Variants in PRKCQ observed in about 807,000 individuals in gnomAD.
PRKCQ encodes protein kinase C theta.
PRKCQ carries 41 observed loss-of-function variants against 91.2 expected under a neutral mutation model. The observed-to-expected ratio is 0.45, with a 90% CI of 0.35 to 0.58. The LOEUF is 0.58. Ranked by LOEUF, PRKCQ falls within the 20% of genes least tolerant of loss-of-function variation. The pLI, the probability that PRKCQ is intolerant of heterozygous loss-of-function variation, is 0.00. For missense variants in PRKCQ, 673 were observed against 896.5 expected (o/e 0.75, Z 3.18); for synonymous variants, 307 against 316.9 (o/e 0.97, Z 0.33).
chr10:6,496,767 C>T lies in PRKCQ; in HGVS notation c.660+268G>A, dbSNP rs115341315. ...CTGGTTCACTGCAACCTCCGCCTCC[C>T]GAATTCAAGAGATTCTCCTGCCTCA... is the stretch of plus-strand genomic sequence containing the variant. On this transcript the variant is annotated intron_variant, in intron 7 of 17. Coordinates refer to ENST00000263125, the MANE Select transcript of PRKCQ (RefSeq NM_006257.5). Among the ~76,000 whole-genome samples, 918 of 152,004 alleles carry T rather than the reference C, an allele frequency of 6.0e-3. 6 individuals are homozygous for T. The highest frequency in any genetic ancestry group is 0.021 in the African/African-American group (867 of 41,444).
At chr10:6,510,382 A>C (rs913185090) in intron 3 of PRKCQ, among the ~76,000 whole-genome samples, 1 of 152,222 alleles carries the variant, frequency 6.6e-6, no homozygotes, top group Admixed American at 6.5e-5. Context: ...ATTACAGCTG[A>C]AAAAAATTGT....
intron 15 of PRKCQ, among the ~76,000 whole-genome samples, chr10:6,454,630 G>A (rs1834909550): frequency 6.6e-6 from 1 of 152,142 alleles, no homozygotes; most frequent in Non-Finnish European, 1.5e-5. Flanking sequence ...AAAGGAAAGA[G>A]TGAAGTAGGG....
intron 15 of PRKCQ, among the ~76,000 whole-genome samples, chr10:6,450,228 G>A (rs1302460965): frequency 1.3e-5 from 2 of 149,402 alleles, no homozygotes; most frequent in African/African-American, 5.0e-5. Context: ...AAAATAAAAG[G>A]ATGGAGGAAG....
intron 15 of PRKCQ, among the ~76,000 whole-genome samples, chr10:6,452,352 A>G (rs1834740375): frequency 1.3e-5 from 2 of 152,006 alleles, no homozygotes; most frequent in South Asian, 4.2e-4. Flanking sequence ...ATACCTAGGA[A>G]TCCAACTTAC....
At chr10:6,467,575 C>G (rs1050120009) in intron 12 of PRKCQ, among the ~76,000 whole-genome samples, 2 of 152,018 alleles carry the variant, frequency 1.3e-5, no homozygotes, top group African/African-American at 4.8e-5. Context: ...AGAATTGAAG[C>G]TGTGATGGCA....
At chr10:6,413,676 ACT>A in the PRKCQ span, among the ~76,000 whole-genome samples, 1 of 121,088 alleles carries the variant, frequency 8.3e-6, no homozygotes, top group African/African-American at 3.4e-5. Context: ...ATTAAATGCC[ACT>A]TGTGCACACA....
chr10:6,494,622 C>T (rs1837494547), intron 7 of PRKCQ, among the ~76,000 whole-genome samples: 1 of 152,184 alleles, frequency 6.6e-6, no homozygotes, highest in African/African-American at 2.4e-5. Context: ...TCTGTAACTT[C>T]ATAGACTCTG....
intron 15 of PRKCQ, among the ~76,000 whole-genome samples, chr10:6,446,499 G>A (rs1486840376): frequency 1.3e-5 from 2 of 151,726 alleles, no homozygotes; most frequent in Admixed American, 6.6e-5. Flanking sequence ...CTGGGGAGCT[G>A]GGATTACAGG....
chr10:6,560,746 T>C (rs1840596442), intron 1 of PRKCQ, among the ~76,000 whole-genome samples: 1 of 152,116 alleles, frequency 6.6e-6, no homozygotes, highest in Non-Finnish European at 1.5e-5. Flanking sequence ...ATTTTAAAAA[T>C]TATTCTTTTG....
intron 1 of PRKCQ, among the ~76,000 whole-genome samples, chr10:6,573,469 C>G (rs1841115277): frequency 6.6e-6 from 1 of 152,222 alleles, no homozygotes; most frequent in Admixed American, 6.5e-5. Context: ...TCCTGAACCT[C>G]CGAATCAGGA....
rs866325831 is a variant in PRKCQ at position 6,488,309 on chromosome 10, G to A, written c.791-2165C>T. ...GGTGAAATTTGGGCAACCCTCACCT[G>A]TAGTTTTCACTGGTCCACTCTTCTT... On this transcript the variant is annotated intron_variant, in intron 8 of 17. Transcript: ENST00000263125. 2.0e-5 allele frequency among the ~76,000 whole-genome samples: 3 copies of A among 152,042 alleles called. No individual in the cohort carries two copies. The South Asian group carries it at 6.2e-4, about 32-fold the overall frequency.
Position 6,580,248 on chromosome 10 carries a change from TGGGACTGCGCG to T in PRKCQ, c.-58_-48del, listed in dbSNP as rs752079897. On this transcript the variant is annotated 5_prime_UTR_variant, in exon 1 of 18. Coordinates refer to ENST00000263125, the MANE Select transcript of PRKCQ (RefSeq NM_006257.5). ...CGGCGCCGCTGCTGCCCGGTGGCGC[TGGGACTGCGCG>T]GGGACTGCGCGGGGACTGCGCGGGG... is the stretch of plus-strand genomic sequence containing the variant. 31,597 of 144,968 alleles carry T rather than the reference TGGGACTGCGCG, an allele frequency of 0.22. 4,428 individuals carry two copies. The highest frequency in any genetic ancestry group is 0.4 in the East Asian group (1,913 of 4,782). The allele number at this position is 144,968 out of a possible 1,614,324, so 9.0% of individuals were successfully genotyped here.
intron 1 of PRKCQ, among the ~76,000 whole-genome samples, chr10:6,544,715 G>A (rs947398461): frequency 6.6e-6 from 1 of 151,732 alleles, no homozygotes; most frequent in Non-Finnish European, 1.5e-5. Flanking sequence ...CCACCTCCTG[G>A]GTTTAAGAGA....
In PRKCQ at chr10:6,576,381, G is replaced by T. The variant is rs940485928; in HGVS notation, c.-10+3830C>A. Among the ~76,000 whole-genome samples the T allele has an allele frequency of 6.6e-6, 1 of 152,190 alleles. No homozygotes were observed. The highest frequency in any genetic ancestry group is 1.5e-5 in the Non-Finnish European group (1 of 68,038). ...GTATTCAGACTTAAAAAGGAAGGAA[G>T]TCCTGTCCAATGCTGTCACATGGAT... is the stretch of plus-strand genomic sequence containing the variant. On this transcript the variant is annotated intron_variant, in intron 1 of 17. Transcript: ENST00000263125. This position sits in a 1 kb window ranked among gnomAD's most constrained non-coding sequence, Gnocchi z 4.2.
chr10:6,440,226 T>C (rs1190947721), intron 16 of PRKCQ, among the ~76,000 whole-genome samples: 1 of 152,210 alleles, frequency 6.6e-6, no homozygotes, highest in Non-Finnish European at 1.5e-5. Context: ...GTATTAGGTA[T>C]GTCCTTACAG....
At chr10:6,500,291 A>G (rs987602220) in intron 4 of PRKCQ, among the ~76,000 whole-genome samples, 2 of 152,156 alleles carry the variant, frequency 1.3e-5, no homozygotes, top group Non-Finnish European at 2.9e-5. Flanking sequence ...AAAAATAAGT[A>G]TAAATACACT....
At chr10:6,508,916 C>A (rs186542522) in intron 3 of PRKCQ, among the ~76,000 whole-genome samples, 1 of 152,094 alleles carries the variant, frequency 6.6e-6, no homozygotes, top group Admixed American at 6.5e-5. Context: ...TCTCTCAATA[C>A]GGCGTTGAGA....
At chr10:6,569,575 T>A (rs1840959895) in intron 1 of PRKCQ, among the ~76,000 whole-genome samples, 3 of 152,040 alleles carry the variant, frequency 2.0e-5, no homozygotes, top group Admixed American at 2.0e-4. Context: ...TAACCACGGC[T>A]AGGGAGGAGG....
the PRKCQ span, among the ~76,000 whole-genome samples, chr10:6,398,227 AT>A: frequency 6.6e-6 from 1 of 152,196 alleles, no homozygotes; most frequent in African/African-American, 2.4e-5. Flanking sequence ...TCTGTATTCT[AT>A]TCCATTGATT....
Sources: gnomAD v4.1 joint callset for allele counts (sites outside exome capture counted in the v4.1 genomes callset) on GRCh38, gnomAD v4.1.1 for gene constraint, Gnocchi (gnomAD v3.1) non-coding constraint, MANE v1.5 for transcripts, NCBI Gene and HGNC (gene_info 2026-07-23, HGNC 2026-07-21) for gene names.